The following RAD51B variants were observed in gnomAD, a reference collection of about 807,000 sequenced individuals.
The protein encoded by RAD51B is DNA repair protein RAD51 homolog 2.
In RAD51B, 38 loss-of-function variants were observed where a neutral mutation model predicts 42.2. The observed-to-expected ratio is 0.90, with a 90% CI of 0.70 to 1.18. The LOEUF (loss-of-function observed/expected upper bound fraction) is 1.18, where lower values mean the gene tolerates loss of function less well. Among genes scored for constraint, RAD51B ranks in the 50% most tolerant of loss-of-function variants. The pLI is 0.00. For synonymous variants in RAD51B, 154 were observed against 145.2 expected (o/e 1.06, Z -0.43); for missense variants, 373 against 400.7 (o/e 0.93, Z 0.59).
chr14:68,561,076 GA>G (rs1889122809), intron 10 of RAD51B, among the ~76,000 whole-genome samples: 1 of 152,186 alleles, frequency 6.6e-6, no homozygotes, highest in Non-Finnish European at 1.5e-5. Context: ...TGGTTTGGCA[GA>G]AATATTGCCC....
chr14:68,260,236 C>T (rs2080850697), intron 7 of RAD51B, among the ~76,000 whole-genome samples: 1 of 140,136 alleles, frequency 7.1e-6, no homozygotes, highest in Non-Finnish European at 1.6e-5. Context: ...TGCAAAGGCT[C>T]TGGGATAGGA....
At chr14:68,634,924 A>C (rs2140125651) in intron 10 of RAD51B, among the ~76,000 whole-genome samples, 1 of 152,306 alleles carries the variant, frequency 6.6e-6, no homozygotes, top group African/African-American at 2.4e-5. Context: ...GGGACAGTTC[A>C]CATCCATAAA....
chr14:68,391,136 G>GTCTTTCTTTCTTTCTTTCTTTCTT lies in RAD51B; in HGVS notation c.854-20263_854-20240dup, dbSNP rs36073427. Among the ~76,000 whole-genome samples the GTCTTTCTTTCTTTCTTTCTTTCTT allele has an allele frequency of 1.5e-3, 208 of 141,676 alleles. 1 individual carries two copies. Among genetic ancestry groups the GTCTTTCTTTCTTTCTTTCTTTCTT allele is most frequent in the East Asian group, 7.9e-3 (38 of 4,816 alleles). 92.9% of individuals were successfully genotyped at this position (141,676 alleles called of 152,430 possible). A position where few individuals can be genotyped will look rare whatever the true frequency, so the allele number is the denominator to read the frequency against. On this transcript the variant is annotated intron_variant, in intron 8 of 10. Coordinates refer to ENST00000471583, the MANE Select transcript of RAD51B (RefSeq NM_133510.4). ...ATAAATTATTAAATTTATGAGACTT[G>GTCTTTCTTTCTTTCTTTCTTTCTT]TCTTTCTTTCTTTCTTTCTTTCTTT...
chr14:68,161,015 G>T (rs568958460), intron 7 of RAD51B, among the ~76,000 whole-genome samples: 124 of 152,292 alleles, frequency 8.1e-4, no homozygotes, highest in African/African-American at 2.9e-3. Context: ...ACAGTATTGT[G>T]TTTTAGGCTC....
intron 7 of RAD51B, among the ~76,000 whole-genome samples, chr14:68,012,444 A>G (rs1228907522): frequency 6.6e-6 from 1 of 151,912 alleles, no homozygotes; most frequent in Non-Finnish European, 1.5e-5. Context: ...ATATATATAT[A>G]TCTAGAGAGA....
chr14:67,912,921 G>C (rs1327748114), intron 7 of RAD51B, among the ~76,000 whole-genome samples: 3 of 152,120 alleles, frequency 2.0e-5, no homozygotes, highest in African/African-American at 7.2e-5. Context: ...GGCCAGGCTG[G>C]TCTCGAACTC....
chr14:68,361,122 T>C (rs749734226), intron 8 of RAD51B, among the ~76,000 whole-genome samples: 2 of 152,090 alleles, frequency 1.3e-5, no homozygotes, highest in Non-Finnish European at 2.9e-5. Context: ...TTAGGGGAGA[T>C]GGGAGACAAG....
intron 7 of RAD51B, among the ~76,000 whole-genome samples, chr14:67,905,162 T>C (rs1260081402): frequency 6.6e-6 from 1 of 152,080 alleles, no homozygotes; most frequent in Admixed American, 6.5e-5. Flanking sequence ...ATTTATTTAA[T>C]AGAGAATTCA....
chr14:68,409,558 G>A (rs1450135699), intron 8 of RAD51B, among the ~76,000 whole-genome samples: 1 of 152,200 alleles, frequency 6.6e-6, no homozygotes, highest in African/African-American at 2.4e-5. Flanking sequence ...GGTAAAAGGA[G>A]AAGCAGAAGA....
intron 7 of RAD51B, among the ~76,000 whole-genome samples, chr14:68,045,236 C>CAAAAAAAAAAAAAAAAAAAAAAAAA (rs537073885): frequency 4.5e-5 from 1 of 22,080 alleles, no homozygotes; most frequent in Non-Finnish European, 8.3e-5. Context: ...AACTCTGTCT[C>CAAAAAAAAAAAAAAAAAAAAAAAAA]AAAAAAAAAA....
intron 10 of RAD51B, among the ~76,000 whole-genome samples, chr14:68,592,952 T>A (rs1890823502): frequency 6.6e-6 from 1 of 152,154 alleles, no homozygotes. Context: ...CAGGGTGGGA[T>A]TCCAGAACTT....
intron 7 of RAD51B, among the ~76,000 whole-genome samples, chr14:68,081,335 G>C (rs1325167733): frequency 1.3e-5 from 2 of 152,186 alleles, no homozygotes; most frequent in Admixed American, 6.5e-5. Flanking sequence ...CTCCTCGCAT[G>C]TGCAAGTAGG....
chr14:68,505,546 CTTTTTTTTTTTTT>C (rs34764928), intron 10 of RAD51B, among the ~76,000 whole-genome samples: 2 of 112,090 alleles, frequency 1.8e-5, no homozygotes, highest in South Asian at 2.9e-4. Flanking sequence ...ATTAGCCAAT[CTTTTTTTTTTTTT>C]TTTTTTTTTG....
At chr14:68,160,967 C>T (rs966112295) in intron 7 of RAD51B, among the ~76,000 whole-genome samples, 5 of 152,196 alleles carry the variant, frequency 3.3e-5, no homozygotes, top group African/African-American at 1.2e-4. Context: ...TTGAAAAGAG[C>T]TCAAAGCCAA....
chr14:68,562,637 T>C (rs1889213400), intron 10 of RAD51B: 1 of 985,310 alleles, frequency 1.0e-6, no homozygotes, highest in South Asian at 4.7e-5. Flanking sequence ...AATGATCAGC[T>C]GTGAGGACCT....
chr14:67,867,103 G>A (rs1477877965), intron 5 of RAD51B, among the ~76,000 whole-genome samples: 1 of 152,152 alleles, frequency 6.6e-6, no homozygotes, highest in Admixed American at 6.5e-5. Flanking sequence ...AATGCTCTCC[G>A]ATATATATGC....
intron 5 of RAD51B, among the ~76,000 whole-genome samples, chr14:67,872,247 A>T (rs2042561113): frequency 7.2e-6 from 1 of 138,826 alleles, no homozygotes; most frequent in African/African-American, 2.7e-5. Flanking sequence ...AAGTCTCAGG[A>T]TACAAAATCA....
intron 3 of RAD51B, 23 bp from the exon 4 acceptor site, chr14:67,835,057 A>G (rs771619322): frequency 2.7e-5 from 42 of 1,569,436 alleles, no homozygotes; most frequent in Non-Finnish European, 3.7e-5. Context: ...GTTGAAAAAA[A>G]ACTTAATCAT....
At chr14:68,105,403 A>G (rs2077359972) in intron 7 of RAD51B, among the ~76,000 whole-genome samples, 1 of 152,010 alleles carries the variant, frequency 6.6e-6, no homozygotes, top group South Asian at 2.1e-4. Flanking sequence ...TATGTATGTT[A>G]TATATGTATG....
Sources: allele counts gnomAD v4.1 joint callset (sites outside exome capture counted in the v4.1 genomes callset), GRCh38; gene constraint gnomAD v4.1.1; transcripts MANE v1.5; gene names NCBI Gene and HGNC (gene_info 2026-07-23, HGNC 2026-07-21).